The following IQCM variants were observed in gnomAD, a reference collection of about 807,000 sequenced individuals.
IQCM encodes IQ domain-containing protein M.
Under a neutral mutation model 57.6 loss-of-function variants are expected in IQCM, and 45 were observed. That is an observed-to-expected ratio of 0.78 (90% CI 0.62 to 1.00). The LOEUF (loss-of-function observed/expected upper bound fraction) is 1.00. Ranked by LOEUF, IQCM falls within the 50% of genes least tolerant of loss-of-function variation. The probability of loss-of-function intolerance (pLI) is 0.00; values close to 1 mark genes in which losing one functional copy is unlikely to be tolerated. For synonymous variants in IQCM, 148 were observed against 158.9 expected (o/e 0.93, Z 0.51); for missense variants, 468 against 511.6 (o/e 0.91, Z 0.82).
At chr4:149,641,662 A>G (rs1414823978) in intron 7 of IQCM, among the ~76,000 whole-genome samples, 4 of 152,138 alleles carry the variant, frequency 2.6e-5, no homozygotes, top group African/African-American at 7.2e-5. Context: ...GAGGATTTCA[A>G]CAAAATATTA....
intron 7 of IQCM, among the ~76,000 whole-genome samples, chr4:149,679,536 A>C (rs940524523): frequency 6.6e-6 from 1 of 151,590 alleles, no homozygotes; most frequent in East Asian, 1.9e-4. Flanking sequence ...TTCTGTCATA[A>C]AGAGAAGACA....
chr4:149,720,989 T>C (rs1305629310), intron 5 of IQCM, among the ~76,000 whole-genome samples: 1 of 152,222 alleles, frequency 6.6e-6, no homozygotes, highest in Non-Finnish European at 1.5e-5. Flanking sequence ...TCTTAAATTC[T>C]TCCGAGTAAT....
chr4:149,539,520 C>T (rs1289199357), intron 12 of IQCM, among the ~76,000 whole-genome samples: 1 of 152,106 alleles, frequency 6.6e-6, no homozygotes, highest in Non-Finnish European at 1.5e-5. Flanking sequence ...TGAATCCTTA[C>T]AATGGGTGAA....
chr4:149,663,283 C>A (rs926835843), intron 7 of IQCM, among the ~76,000 whole-genome samples: 1 of 151,174 alleles, frequency 6.6e-6, no homozygotes, highest in Non-Finnish European at 1.5e-5. Context: ...TTTTTTTTAA[C>A]CATTTTTACT....
chr4:149,705,280 G>C (rs1027616101), intron 5 of IQCM, among the ~76,000 whole-genome samples: 2 of 148,272 alleles, frequency 1.3e-5, no homozygotes, highest in Non-Finnish European at 3.0e-5. Context: ...TAGGGCTCTG[G>C]AGAGCCCTAA....
chr4:149,441,941 C>T (rs1311024782), intron 12 of IQCM, among the ~76,000 whole-genome samples: 3 of 152,088 alleles, frequency 2.0e-5, no homozygotes, highest in South Asian at 2.1e-4. Context: ...TGCACTTCTA[C>T]CTTCCACCAT....
intron 2 of IQCM, among the ~76,000 whole-genome samples, chr4:149,780,548 A>ATAT (rs1561267593): frequency 9.7e-5 from 13 of 134,214 alleles, no homozygotes; most frequent in African/African-American, 2.9e-4. Context: ...TATATATATA[A>ATAT]AACATATTTT....
chr4:149,785,819 TAA>T (rs34985606), intron 2 of IQCM, among the ~76,000 whole-genome samples: 3,339 of 140,730 alleles, frequency 0.024, 61 homozygotes, highest in South Asian at 0.039. Context: ...TTTAAAAATG[TAA>T]AAAAAAAAAA....
At chr4:149,619,697 A>G (rs987879420) in intron 8 of IQCM, among the ~76,000 whole-genome samples, 3 of 152,214 alleles carry the variant, frequency 2.0e-5, no homozygotes, top group Non-Finnish European at 2.9e-5. Context: ...TTGTCTAATG[A>G]TGTTATGGAC....
intron 7 of IQCM, among the ~76,000 whole-genome samples, chr4:149,651,917 G>T (rs1759217958): frequency 6.6e-6 from 1 of 152,084 alleles, no homozygotes; most frequent in Non-Finnish European, 1.5e-5. Flanking sequence ...TTTAGAAAAA[G>T]AAATACCATT....
chr4:149,413,068 A>G (rs892689932), intron 13 of IQCM, among the ~76,000 whole-genome samples: 1 of 152,226 alleles, frequency 6.6e-6, no homozygotes, highest in Non-Finnish European at 1.5e-5. Flanking sequence ...TTATCTGTGT[A>G]TAGATGAACA....
intron 8 of IQCM, among the ~76,000 whole-genome samples, chr4:149,597,473 C>T (rs1045629912): frequency 3.3e-5 from 5 of 152,162 alleles, no homozygotes; most frequent in Non-Finnish European, 5.9e-5. Flanking sequence ...TCACTACAAC[C>T]TCCACCTCCC....
intron 7 of IQCM, among the ~76,000 whole-genome samples, chr4:149,680,745 G>T (rs1211620601): frequency 1.3e-5 from 2 of 151,364 alleles, no homozygotes; most frequent in Admixed American, 1.3e-4. Flanking sequence ...TATCACATGG[G>T]TGACTACCAA....
At chr4:149,731,000 C>T (rs1766406944) in intron 5 of IQCM, among the ~76,000 whole-genome samples, 1 of 152,114 alleles carries the variant, frequency 6.6e-6, no homozygotes, top group Non-Finnish European at 1.5e-5. Flanking sequence ...GCTAGGTCTC[C>T]TTTTCCAACT....
chr4:149,770,306 T>C (rs1215539373), intron 2 of IQCM, among the ~76,000 whole-genome samples: 1 of 152,082 alleles, frequency 6.6e-6, no homozygotes, highest in Admixed American at 6.6e-5. Flanking sequence ...ACTGGATAGC[T>C]TTTTCACAAA....
intron 13 of IQCM, among the ~76,000 whole-genome samples, chr4:149,353,249 C>A (rs1427012692): frequency 6.6e-6 from 1 of 152,092 alleles, no homozygotes; most frequent in Non-Finnish European, 1.5e-5. Flanking sequence ...ACCTCGGACC[C>A]CTTAGGATGG....
intron 7 of IQCM, among the ~76,000 whole-genome samples, chr4:149,662,186 T>A (rs1047722743): frequency 1.3e-5 from 2 of 152,076 alleles, no homozygotes; most frequent in Non-Finnish European, 2.9e-5. Flanking sequence ...CCCTTTTAAT[T>A]TCCTCATTGA....
chr4:149,755,594 C>G (rs73857748), intron 2 of IQCM, among the ~76,000 whole-genome samples: 5 of 152,204 alleles, frequency 3.3e-5, no homozygotes, highest in Non-Finnish European at 5.9e-5. Context: ...CACCCATTCA[C>G]GATTGCAACC....
At chr4:149,527,630 C>T (rs1356930353) in intron 12 of IQCM, among the ~76,000 whole-genome samples, 1 of 152,154 alleles carries the variant, frequency 6.6e-6, no homozygotes, top group African/African-American at 2.4e-5. Flanking sequence ...GAGTAAGATA[C>T]CTGTTGAATT....
Sources: allele counts gnomAD v4.1 joint callset (sites outside exome capture counted in the v4.1 genomes callset), GRCh38; gene constraint gnomAD v4.1.1; transcripts MANE v1.5; gene names NCBI Gene and HGNC (gene_info 2026-07-23, HGNC 2026-07-21).